The following CUBN variants were observed in gnomAD, a reference collection of about 807,000 sequenced individuals.
CUBN encodes the protein cubilin.
A neutral mutation model predicts 405.3 loss-of-function variants in CUBN; 282 were observed. The observed-to-expected ratio is 0.70, with a 90% CI of 0.63 to 0.77. The LOEUF is 0.77. CUBN is among the 30% of genes least tolerant of loss of function. The pLI is 0.00. For missense variants in CUBN, 4,514 were observed against 4,475.2 expected, an observed-to-expected ratio of 1.01 and a Z score of -0.25; for synonymous variants, 1,684 against 1,617.0, an observed-to-expected ratio of 1.04 and a Z score of -0.99.
intron 31 of CUBN, among the ~76,000 whole-genome samples, chr10:16,976,909 T>C (rs867995388): frequency 1.3e-5 from 2 of 152,188 alleles, no homozygotes; most frequent in Non-Finnish European, 2.9e-5. Flanking sequence ...AAATTTGTAG[T>C]TGGGTCTTCT....
Position 17,105,485 on chromosome 10 carries a change from C to T in CUBN, c.1202G>A (p.Ser401Asn), listed in dbSNP as rs764163219. Residue 401 changes from serine to asparagine, a missense_variant, in exon 11 of 67, where the codon AGT becomes AAT. Around this residue, in one of 5 missense-constraint regions of CUBN, gnomAD observed 1,448 missense variants for 1,388.0 expected, o/e 1.04. Coordinates refer to ENST00000377833, the MANE Select transcript of CUBN (RefSeq NM_001081.4). ...GCATTGTCCATTTAGACAGGGGTGACTTAGGCAAATATTACTGAGCTGCAC... is the reference window on the plus strand; with the variant it reads ...GCATTGTCCATTTAGACAGGGGTGATTTAGGCAAATATTACTGAGCTGCAC... ...GCVQLSNICL[S>N]HPCLNGQCID... is the part of the protein sequence containing the mutation. The T allele has an allele frequency of 1.2e-6, 2 of 1,607,972 alleles. No homozygotes were observed. Among genetic ancestry groups the T allele is most frequent in the Admixed American group, 1.7e-5 (1 of 60,008 alleles).
At chr10:16,917,384 G>T (rs10904837) in intron 45 of CUBN, among the ~76,000 whole-genome samples, 85,236 of 151,916 alleles carry the variant, frequency 0.56, 25,835 homozygotes, top group African/African-American at 0.8. Flanking sequence ...TCTATATATG[G>T]ACCTATGATA....
chr10:17,020,090 G>A (rs991735389), intron 27 of CUBN, 107 bp from the exon 28 acceptor site: 12 of 1,255,826 alleles, frequency 9.6e-6, no homozygotes, highest in African/African-American at 2.9e-5. Flanking sequence ...AAAAGTTAGA[G>A]GTAAATCTGC....
At chr10:16,906,126 A>G (rs1213026928) in intron 50 of CUBN, 77 bp downstream of exon 50, 3 of 1,180,430 alleles carry the variant, frequency 2.5e-6, no homozygotes, top group Non-Finnish European at 3.8e-6. Flanking sequence ...AACAACAACA[A>G]CAGCAGCGAC....
At chr10:16,888,394 T>G in intron 56 of CUBN, 23 bp downstream of exon 56, 1 of 1,596,992 alleles carries the variant, frequency 6.3e-7, no homozygotes, top group Non-Finnish European at 8.6e-7. Context: ...TTAAACGTAA[T>G]TTTTTTAAAA....
chr10:16,937,865 T>C (rs1564434698), intron 38 of CUBN, 81 bp from the exon 39 acceptor site: 6 of 1,298,202 alleles, frequency 4.6e-6, no homozygotes, highest in Non-Finnish European at 2.1e-6. Context: ...AGATGCCTTA[T>C]ATTATTACAA....
chr10:17,044,047 T>C, intron 25 of CUBN, 64 bp from the exon 26 acceptor site: 3 of 1,324,308 alleles, frequency 2.3e-6, no homozygotes, highest in Middle Eastern at 1.9e-4. Flanking sequence ...AGGACTATAA[T>C]CCAGAAGAAG....
chr10:16,948,841 T>A (rs997108123), intron 34 of CUBN, among the ~76,000 whole-genome samples: 4 of 151,978 alleles, frequency 2.6e-5, no homozygotes, highest in African/African-American at 9.7e-5. Context: ...TCAAGAACAA[T>A]AGGACCAGAG....
At chr10:16,989,982 C>T (rs1465619117) in intron 29 of CUBN, among the ~76,000 whole-genome samples, 1 of 152,238 alleles carries the variant, frequency 6.6e-6, no homozygotes, top group Non-Finnish European at 1.5e-5. Flanking sequence ...CGGACCAGTG[C>T]CTCCACTGTG....
In CUBN at chr10:16,990,378, A is replaced by G. The variant is rs142737296; in HGVS notation, c.4306T>C (p.Phe1436Leu). The change falls in exon 29 of 67, where the codon TTC (phenylalanine) becomes CTC (leucine). Residue 1436 changes from phenylalanine to leucine, a missense_variant. Physicochemically the swap from Phe to Leu is conservative, Grantham distance 22 (BLOSUM62 0). This residue lies in a region of CUBN where 1,613 missense variants were observed against 1,542.8 expected (regional missense o/e 1.05). Coordinates refer to ENST00000377833, the MANE Select transcript of CUBN (RefSeq NM_001081.4). ...GSSIQLTIHD[F>L]DVEYHSRCNF... ...CACCTTGAATGATACTCCACATCGA[A>G]GTCATGGATGGTGAGCTGAATGCTA... The G allele has an allele frequency of 1.2e-6, 2 of 1,614,042 alleles. No individual in the cohort carries two copies. The highest frequency in any genetic ancestry group is 2.7e-5 in the African/African-American group (2 of 74,916).
chr10:16,944,237 C>T (rs1483855694), intron 36 of CUBN, among the ~76,000 whole-genome samples: 1 of 152,164 alleles, frequency 6.6e-6, no homozygotes, highest in Non-Finnish European at 1.5e-5. Context: ...ATGTAATTTA[C>T]CTTCTGAGGA....
At chr10:16,851,116 A>G in intron 60 of CUBN, 119 bp downstream of exon 60, 1 of 781,056 alleles carries the variant, frequency 1.3e-6, no homozygotes, top group Non-Finnish European at 2.2e-6. Flanking sequence ...AGGTCATTTT[A>G]AAAAGCAGTA....
At chr10:16,843,404 ATGTAAG>A (rs2131324650) in intron 60 of CUBN, among the ~76,000 whole-genome samples, 1 of 152,364 alleles carries the variant, frequency 6.6e-6, no homozygotes, top group Admixed American at 6.5e-5. Context: ...TGCTAGGATT[ATGTAAG>A]ACAGGAATGA....
At chr10:16,901,546 A>G (rs1841371434) in intron 51 of CUBN, 87 bp from the exon 52 acceptor site, 2 of 1,539,376 alleles carry the variant, frequency 1.3e-6, no homozygotes, top group Admixed American at 3.6e-5. Flanking sequence ...CATAACCATC[A>G]GATTTTGTGA....
intron 22 of CUBN, among the ~76,000 whole-genome samples, chr10:17,050,663 TG>T: frequency 6.6e-6 from 1 of 152,116 alleles, no homozygotes; most frequent in Non-Finnish European, 1.5e-5. Context: ...CATTCCAGAA[TG>T]GGGATACCTC....
chr10:17,015,939 G>A (rs1204811311), intron 28 of CUBN, among the ~76,000 whole-genome samples: 1 of 152,120 alleles, frequency 6.6e-6, no homozygotes, highest in Non-Finnish European at 1.5e-5. Flanking sequence ...GCCTTTCTCT[G>A]ATCTCACTTT....
Position 17,088,292 on chromosome 10 carries a change from G to C in CUBN, c.1819C>G (p.Pro607Ala). 1 of 1,613,536 alleles carries C rather than the reference G, an allele frequency of 6.2e-7. No individual in the cohort carries two copies. Among genetic ancestry groups the C allele is most frequent in the Non-Finnish European group, 8.5e-7 (1 of 1,179,566 alleles). ...PYGSIKSPGY[P>A]GNYPPGRDCV... Reference sequence around the variant, plus strand: ...TCTCTTCCTGGGGGATAGTTTCCAGGATACCCCGGAGACTTAATAGAACCG... The same window carrying C: ...TCTCTTCCTGGGGGATAGTTTCCAGCATACCCCGGAGACTTAATAGAACCG... Residue 607 changes from proline (P) to alanine (A), a missense_variant, in exon 15 of 67, where the codon CCT (proline) becomes GCT (alanine). Transcript: ENST00000377833.
chr10:16,980,392 G>A (rs897685236), intron 31 of CUBN, among the ~76,000 whole-genome samples: 1 of 152,182 alleles, frequency 6.6e-6, no homozygotes, highest in Non-Finnish European at 1.5e-5. Flanking sequence ...AGATGCACAC[G>A]TATGTTTACT....
Position 16,954,564 on chromosome 10 carries a change from C to A in CUBN, c.4696-16G>T, listed in dbSNP as rs140260072. ...CATCGTATGCCTACAAGAAAGGAGA[C>A]AGGGCAAACAGTGGTTCAGATTCAC... is the stretch of plus-strand genomic sequence containing the variant. On this transcript the variant is annotated splice_polypyrimidine_tract_variant and intron_variant, in intron 31 of 66. Transcript: ENST00000377833. 1,368 of 1,612,494 alleles carry A rather than the reference C, an allele frequency of 8.5e-4. 7 individuals are homozygous for A. In the African/African-American group the frequency reaches 0.016, roughly 19 times the overall value.
Sources: allele counts gnomAD v4.1 joint callset (sites outside exome capture counted in the v4.1 genomes callset), GRCh38; gene constraint gnomAD v4.1.1; regional missense constraint gnomAD v4.1.1; transcripts MANE v1.5; gene names NCBI Gene and HGNC (gene_info 2026-07-23, HGNC 2026-07-21).